ABL1: variants seen among roughly 807,000 people sequenced by gnomAD.
ABL1 encodes the protein ABL proto-oncogene 1, non-receptor tyrosine kinase.
Under a neutral mutation model 94.7 loss-of-function variants are expected in ABL1, and 11 were observed. The ratio of observed to expected loss-of-function variants is 0.12; its 90% CI spans 0.07 to 0.19. ABL1 has a LOEUF of 0.19. Among genes scored for constraint, ABL1 ranks in the 10% least tolerant of loss-of-function variants. The pLI is 1.00. For missense variants in ABL1, 1,082 were observed against 1,489.4 expected, an observed-to-expected ratio of 0.73 and a Z score of 4.50; for synonymous variants, 656 against 622.4, an observed-to-expected ratio of 1.05 and a Z score of -0.80.
intron 1 of ABL1, among the ~76,000 whole-genome samples, chr9:130,736,068 G>T (rs1831737951): frequency 6.7e-6 from 1 of 150,268 alleles, no homozygotes; most frequent in Non-Finnish European, 1.5e-5. Context: ...TGATACTCCT[G>T]CCTCAGCCTC....
rs760947893 is a variant in ABL1, at chr9:130,885,347, A to T, written c.3057A>T (p.Pro1019=). 6.2e-7 allele frequency: 1 copy of T among 1,613,686 alleles called. No homozygotes were observed. The highest frequency in any genetic ancestry group is 8.5e-7 in the Non-Finnish European group (1 of 1,180,020). Residue 1019 remains proline, a synonymous_variant, in exon 11 of 11, where the codon CCA becomes CCT. Transcript: ENST00000318560. ...RVSLRKTRQP[P]ERIASGAITK... ...CTCTTCGGAAAACCCGCCAGCCTCC[A>T]GAGCGGATCGCCAGCGGCGCCATCA... is the stretch of plus-strand genomic sequence containing the variant.
Position 130,887,500 on chromosome 9 carries a change from T to C in ABL1, c.*1817T>C, listed in dbSNP as rs1244425311. 4.3e-6 allele frequency: 1 copy of C among 233,362 alleles called. No individual in the cohort carries two copies. The highest frequency in any genetic ancestry group is 8.5e-6 in the Non-Finnish European group (1 of 117,964). The allele number at this position is 233,362 out of a possible 1,614,324, so 14.5% of individuals were successfully genotyped here. Reference sequence around the variant, plus strand: ...TATGCATCTTTTATAGACGCTCTTTTCTAAGTGGCGTGTGCATAGCGTCCT... The same window carrying C: ...TATGCATCTTTTATAGACGCTCTTTCCTAAGTGGCGTGTGCATAGCGTCCT... On this transcript the variant is annotated 3_prime_UTR_variant, in exon 11 of 11. Transcript: ENST00000318560.
chr9:130,829,839 G>A (rs1304012630), intron 1 of ABL1, among the ~76,000 whole-genome samples: 2 of 152,140 alleles, frequency 1.3e-5, no homozygotes, highest in African/African-American at 2.4e-5. Context: ...CCCCCAAATT[G>A]TGATTTTATT....
Position 130,855,665 on chromosome 9 carries a change from T to C in ABL1, c.549+569T>C, listed in dbSNP as rs762602168. On this transcript the variant is annotated intron_variant, in intron 3 of 10. Coordinates refer to ENST00000318560, the MANE Select transcript of ABL1 (RefSeq NM_005157.6). ...GTGTGGTGTTGTAAGGGAGGTGGCC[T>C]ATATGATTTTGTGGTCTTCATATAA... Among the ~76,000 whole-genome samples the C allele has an allele frequency of 1.3e-5, 2 of 152,198 alleles. 1 individual carries two copies. Among genetic ancestry groups the C allele is most frequent in the African/African-American group, 4.8e-5 (2 of 41,448 alleles).
At chr9:130,730,259 C>G (rs1340189657) in intron 1 of ABL1, among the ~76,000 whole-genome samples, 1 of 151,786 alleles carries the variant, frequency 6.6e-6, no homozygotes, top group Non-Finnish European at 1.5e-5. Flanking sequence ...TCAGGCTGGT[C>G]TCGAACGCCC....
intron 3 of ABL1, among the ~76,000 whole-genome samples, chr9:130,856,845 A>G (rs966428617): frequency 6.6e-6 from 1 of 152,204 alleles, no homozygotes. Flanking sequence ...TGTACCGTGG[A>G]TGGACTGTCA....
rs551084585 is a variant in ABL1 at position 130,820,072 on chromosome 9, AT to A, written c.137-33989del. 1.7e-4 allele frequency among the ~76,000 whole-genome samples: 26 copies of A among 152,184 alleles called. No individual in the cohort carries two copies. In the South Asian group the frequency reaches 5.2e-3, roughly 30 times the overall value. On this transcript the variant is annotated intron_variant, in intron 1 of 10. Transcript: ENST00000372348. ...TTCACAAGTTTCACACTCATGAAAT[AT>A]TTATTGTTAATTAATTCCAATATTT...
At chr9:130,831,425 T>G (rs773431122), upstream of ABL1, among the ~76,000 whole-genome samples, 2 of 152,080 alleles carry the variant, frequency 1.3e-5, no homozygotes, top group African/African-American at 2.4e-5. Flanking sequence ...AAAAAAAAAA[T>G]TCAGTCTCTC....
At chr9:130,815,648 C>G (rs368916797) in intron 1 of ABL1, among the ~76,000 whole-genome samples, 1 of 152,126 alleles carries the variant, frequency 6.6e-6, no homozygotes, top group East Asian at 1.9e-4. Context: ...CCTACAGCAG[C>G]CAGAGCTAAT....
intron 7 of ABL1, 137 bp from the exon 8 acceptor site, chr9:130,878,278 C>G: frequency 2.0e-6 from 2 of 1,002,546 alleles, no homozygotes; most frequent in Non-Finnish European, 3.0e-6. Flanking sequence ...TGATAAAGAG[C>G]CTGGTAAAAT....
upstream of ABL1, among the ~76,000 whole-genome samples, chr9:130,830,742 A>G (rs946666477): frequency 6.6e-6 from 1 of 152,204 alleles, no homozygotes. Flanking sequence ...CACTCTCCCT[A>G]CATGATTCCT....
chr9:130,736,325 T>A (rs1280668439), intron 1 of ABL1, among the ~76,000 whole-genome samples: 2 of 152,110 alleles, frequency 1.3e-5, no homozygotes, highest in Non-Finnish European at 2.9e-5. Context: ...CATTCTAGTT[T>A]ACAGTCCCAT....
In ABL1 at chr9:130,872,021, C is replaced by A; in HGVS notation, c.823-108C>A. On this transcript the variant is annotated intron_variant, in intron 4 of 10. Coordinates refer to ENST00000318560, the MANE Select transcript of ABL1 (RefSeq NM_005157.6). The surrounding 1 kb of genome is among the most constrained non-coding windows in gnomAD (Gnocchi z 5.0). ...CAATGTGGCTGTCACAAAACGCAGC[C>A]CAGGACGAGTATGCGCTGAAGCTCC... 1.1e-6 allele frequency: 1 copy of A among 937,230 alleles called. No homozygotes were observed. Among genetic ancestry groups the A allele is most frequent in the South Asian group, 1.6e-5 (1 of 63,880 alleles). The allele number at this position is 937,230 out of a possible 1,614,324, so 58.1% of individuals were successfully genotyped here.
At chr9:130,821,600 G>A (rs1830363736) in intron 1 of ABL1, among the ~76,000 whole-genome samples, 1 of 150,392 alleles carries the variant, frequency 6.6e-6, no homozygotes, top group African/African-American at 2.4e-5. Flanking sequence ...CCATGTATAA[G>A]TCTTTGTGTG....
At chr9:130,786,211 T>G (rs1187959295) in intron 1 of ABL1, among the ~76,000 whole-genome samples, 1 of 152,118 alleles carries the variant, frequency 6.6e-6, no homozygotes, top group Non-Finnish European at 1.5e-5. Context: ...ATTGGCTATT[T>G]TGGATAATTC....
At chr9:130,718,875 C>T (rs540510626) in intron 1 of ABL1, among the ~76,000 whole-genome samples, 7 of 152,002 alleles carry the variant, frequency 4.6e-5, no homozygotes, top group Non-Finnish European at 8.8e-5. Flanking sequence ...GAGCAAGACC[C>T]CATCTCAAAA....
Position 130,835,419 on chromosome 9 carries a change from C to A in ABL1, c.-28C>A, listed in dbSNP as rs756682519. The A allele has an allele frequency of 3.0e-6, 4 of 1,343,022 alleles. No individual in the cohort carries two copies. The highest frequency in any genetic ancestry group is 3.8e-6 in the Non-Finnish European group (4 of 1,040,722). The allele number at this position is 1,343,022 out of a possible 1,614,324, so 83.2% of individuals were successfully genotyped here. On this transcript the variant is annotated 5_prime_UTR_variant, in exon 1 of 11. Coordinates refer to ENST00000318560, the MANE Select transcript of ABL1 (RefSeq NM_005157.6). The surrounding 1 kb of genome is among the most constrained non-coding windows in gnomAD (Gnocchi z 4.6). Reference sequence around the variant, plus strand: ...CGCGGACCGAGCTGGGAGAGGGGTTCCGGCCCCCGACGTGCTGGCGCGGGA... The same window carrying A: ...CGCGGACCGAGCTGGGAGAGGGGTTACGGCCCCCGACGTGCTGGCGCGGGA...
In ABL1 at chr9:130,880,780, A is replaced by G. The variant is rs1831438893; in HGVS notation, c.1678+116A>G. 2.4e-6 allele frequency: 3 copies of G among 1,274,656 alleles called. No homozygotes were observed. Among genetic ancestry groups the G allele is most frequent in the South Asian group, 3.0e-5 (2 of 66,380 alleles). The allele number at this position is 1,274,656 out of a possible 1,614,324, so 79.0% of individuals were successfully genotyped here. A position where few individuals can be genotyped will look rare whatever the true frequency, so the allele number is the denominator to read the frequency against. ...ATGGAGCCCGCACAGAAGGGCAGCCATGGCCTTTGTCAATGGTTCAGCTTC... is the reference window on the plus strand; with the variant it reads ...ATGGAGCCCGCACAGAAGGGCAGCCGTGGCCTTTGTCAATGGTTCAGCTTC... On this transcript the variant is annotated intron_variant, in intron 10 of 10. Transcript: ENST00000318560. This position sits in a 1 kb window ranked among gnomAD's most constrained non-coding sequence, Gnocchi z 4.4.
At position 130,880,029 on chromosome 9, in the gene ABL1, G is replaced by A. The variant is rs376249156; in HGVS notation, c.1424-39G>A. ...ACTGCTAGCCCCGTATTGCTAGCCA[G>A]ATCTCATGGATGATCTGACTTGGGT... On this transcript the variant is annotated intron_variant, in intron 8 of 10. Transcript: ENST00000318560. The surrounding 1 kb of genome is among the most constrained non-coding windows in gnomAD (Gnocchi z 4.4). 2 of 1,588,080 alleles carry A rather than the reference G, an allele frequency of 1.3e-6. No homozygotes were observed. Among genetic ancestry groups the A allele is most frequent in the African/African-American group, 2.7e-5 (2 of 74,478 alleles).
Sources: gnomAD v4.1 joint callset for allele counts (sites outside exome capture counted in the v4.1 genomes callset) on GRCh38, gnomAD v4.1.1 for gene constraint, Gnocchi (gnomAD v3.1) non-coding constraint, MANE v1.5 for transcripts, NCBI Gene and HGNC (gene_info 2026-07-23, HGNC 2026-07-21) for gene names.